The following LAMA2 variants were observed in gnomAD, a reference collection of about 807,000 sequenced individuals.
LAMA2 encodes laminin subunit alpha-2.
In LAMA2, 269 loss-of-function variants were observed where a neutral mutation model predicts 364.8. That is an observed-to-expected ratio of 0.74 (90% CI 0.67 to 0.82). The LOEUF is 0.82. LAMA2 is among the 40% of genes least tolerant of loss of function. The pLI is 0.00. For synonymous variants in LAMA2, 1,379 were observed against 1,370.6 expected (o/e 1.01, Z -0.14); for missense variants, 3,807 against 3,873.2 (o/e 0.98, Z 0.45).
intron 9 of LAMA2, among the ~76,000 whole-genome samples, chr6:129,174,652 C>T (rs1478794): frequency 0.015 from 2,247 of 152,170 alleles, 68 homozygotes; most frequent in African/African-American, 0.051. Flanking sequence ...AAACCATGCT[C>T]CCTGAACTGT....
Position 129,445,724 on chromosome 6 carries a change from A to T in LAMA2, c.6332A>T (p.Asp2111Val), listed in dbSNP as rs371697379. ...NLEQEADRLIDKLKPIKELED... is the reference protein window; with the variant it reads ...NLEQEADRLIVKLKPIKELED... The stretch of plus-strand genomic sequence containing the variant: ...GAACAGGAAGCTGACCGGCTAATAG[A>T]TAAACTCAAACCCATCAAGGAACTT... Residue 2111 changes from aspartate (D) to valine (V), a missense_variant, in exon 45 of 65, where the codon GAT (aspartate) becomes GTT (valine). This residue lies in a region of LAMA2 where 3,333 missense variants were observed against 3,345.7 expected (regional missense o/e 1.00). Coordinates refer to ENST00000421865, the MANE Select transcript of LAMA2 (RefSeq NM_000426.4). 9.9e-6 allele frequency: 16 copies of T among 1,613,806 alleles called. No homozygotes were observed. The highest frequency in any genetic ancestry group is 1.3e-5 in the Non-Finnish European group (15 of 1,179,860).
intron 17 of LAMA2, among the ~76,000 whole-genome samples, chr6:129,275,208 G>A (rs1421117309): frequency 2.6e-5 from 4 of 152,064 alleles, no homozygotes; most frequent in Admixed American, 6.6e-5. Flanking sequence ...AATCAATTCA[G>A]CCATATTCTC....
chr6:129,288,540 A>G (rs1229503896), intron 19 of LAMA2, among the ~76,000 whole-genome samples: 1 of 152,184 alleles, frequency 6.6e-6, no homozygotes, highest in East Asian at 1.9e-4. Flanking sequence ...AATTCTGCCA[A>G]TATTTTCGCA....
At chr6:129,333,367 G>A (rs373152450) in intron 29 of LAMA2, among the ~76,000 whole-genome samples, 2 of 152,186 alleles carry the variant, frequency 1.3e-5, no homozygotes, top group East Asian at 3.9e-4. Context: ...GATGCTGATG[G>A]TTAGTATAAG....
intron 3 of LAMA2, among the ~76,000 whole-genome samples, chr6:129,060,877 C>A (rs1192348478): frequency 6.6e-6 from 1 of 152,180 alleles, no homozygotes; most frequent in Non-Finnish European, 1.5e-5. Context: ...GGTAGACCTG[C>A]CTTCCACCCA....
chr6:129,135,613 C>T (rs1356904415), intron 4 of LAMA2, among the ~76,000 whole-genome samples: 1 of 152,120 alleles, frequency 6.6e-6, no homozygotes, highest in Non-Finnish European at 1.5e-5. Flanking sequence ...ATGATTTTAT[C>T]CTCTTATGAT....
At chr6:129,305,713 C>T (rs185694992) in intron 22 of LAMA2, among the ~76,000 whole-genome samples, 36 of 151,914 alleles carry the variant, frequency 2.4e-4, no homozygotes, top group African/African-American at 7.2e-4. Context: ...AATAATTTGG[C>T]CTTTTAATTT....
chr6:129,279,982 G>C (rs189260077), intron 17 of LAMA2, 79 bp from the exon 18 acceptor site: 1 of 924,086 alleles, frequency 1.1e-6, no homozygotes, highest in Admixed American at 1.8e-5. Flanking sequence ...GTAGTGGAGA[G>C]AGAGAAATGA....
chr6:129,146,998 T>C lies in LAMA2; in HGVS notation c.859T>C (p.Cys287Arg). 6.2e-7 allele frequency: 1 copy of C among 1,612,164 alleles called. No individual in the cohort carries two copies. Among genetic ancestry groups the C allele is most frequent in the Non-Finnish European group, 8.5e-7 (1 of 1,178,366 alleles). Residue 287 changes from cysteine to arginine, a missense_variant, in exon 6 of 65, where the codon TGC (cysteine) becomes CGC (arginine). By Grantham distance (180) the Cys-to-Arg change is radical. This residue lies in a region of LAMA2 where 394 missense variants were observed against 403.5 expected (regional missense o/e 0.98). Transcript: ENST00000421865. ...CAAGGATATTTCAGTTGGAGGGATG[T>C]GCATCTGCTATGGTCATGCCAGGGC... is the stretch of plus-strand genomic sequence containing the variant. ...SVKDISVGGMCICYGHARACP... is the reference protein window; with the variant it reads ...SVKDISVGGMRICYGHARACP...
At chr6:129,158,611 A>G in intron 8 of LAMA2, 1 of 1,614,160 alleles carries the variant, frequency 6.2e-7, no homozygotes, top group Non-Finnish European at 8.5e-7. Context: ...AAGCAGCTGG[A>G]GAAGATGATC....
intron 29 of LAMA2, among the ~76,000 whole-genome samples, chr6:129,338,228 A>G (rs964985812): frequency 2.6e-5 from 4 of 152,202 alleles, no homozygotes; most frequent in Admixed American, 1.3e-4. Flanking sequence ...ACATAAAATA[A>G]TTCATTATGC....
chr6:129,493,556 A>T (rs1226387443), intron 58 of LAMA2, among the ~76,000 whole-genome samples: 2 of 152,200 alleles, frequency 1.3e-5, no homozygotes, highest in East Asian at 3.8e-4. Context: ...TTTGTATCAG[A>T]GTTTTAAAAG....
intron 53 of LAMA2, among the ~76,000 whole-genome samples, chr6:129,476,208 T>A (rs1202449530): frequency 6.6e-6 from 1 of 152,166 alleles, no homozygotes; most frequent in Non-Finnish European, 1.5e-5. Flanking sequence ...TGTGCCAGAT[T>A]TCTGGAAAGA....
intron 34 of LAMA2, among the ~76,000 whole-genome samples, chr6:129,375,412 G>A: frequency 6.6e-6 from 1 of 152,192 alleles, no homozygotes; most frequent in Non-Finnish European, 1.5e-5. Flanking sequence ...AGACAAGTCT[G>A]TATTTATTTC....
chr6:129,109,111 T>C (rs1348227409), intron 4 of LAMA2, among the ~76,000 whole-genome samples: 1 of 152,132 alleles, frequency 6.6e-6, no homozygotes, highest in Admixed American at 6.6e-5. Flanking sequence ...TGCTAGTGTG[T>C]GGGTGTCCCG....
intron 1 of LAMA2, among the ~76,000 whole-genome samples, chr6:129,026,048 G>A (rs1431384848): frequency 6.6e-6 from 1 of 152,092 alleles, no homozygotes; most frequent in Non-Finnish European, 1.5e-5. Context: ...TTTTAGTTTG[G>A]ATGCTGATTT....
At chr6:129,408,677 G>A (rs1284000075) in intron 40 of LAMA2, among the ~76,000 whole-genome samples, 1 of 152,112 alleles carries the variant, frequency 6.6e-6, no homozygotes, top group Non-Finnish European at 1.5e-5. Flanking sequence ...GCCAGACGGA[G>A]GGCTCAGTGT....
chr6:129,361,637 T>A (rs1249528882), intron 32 of LAMA2, among the ~76,000 whole-genome samples: 3 of 152,158 alleles, frequency 2.0e-5, no homozygotes, highest in Non-Finnish European at 4.4e-5. Context: ...TCCAAGAGTG[T>A]GAAAGCAGAA....
chr6:129,255,560 C>G (rs1389783314), intron 14 of LAMA2, among the ~76,000 whole-genome samples: 1 of 151,914 alleles, frequency 6.6e-6, no homozygotes, highest in East Asian at 1.9e-4. Context: ...GTTGTTACCA[C>G]AGCATAACCG....
Sources: allele counts gnomAD v4.1 joint callset (sites outside exome capture counted in the v4.1 genomes callset), GRCh38; gene constraint gnomAD v4.1.1; regional missense constraint gnomAD v4.1.1; transcripts MANE v1.5; gene names NCBI Gene and HGNC (gene_info 2026-07-23, HGNC 2026-07-21).